PNPLA4: variants seen among roughly 807,000 people sequenced by gnomAD.
PNPLA4 encodes patatin like domain 4, phospholipase and triacylglycerol lipase.
PNPLA4 carries 15 observed loss-of-function variants against 18.3 expected under a neutral mutation model. That is an observed-to-expected ratio of 0.82 (90% CI 0.55 to 1.26). PNPLA4 has a LOEUF of 1.26. Among genes scored for constraint, PNPLA4 ranks in the 50% most tolerant of loss-of-function variants. The probability of loss-of-function intolerance (pLI) is 0.00; values close to 1 mark genes in which losing one functional copy is unlikely to be tolerated. For synonymous variants in PNPLA4, 88 were observed against 85.6 expected (o/e 1.03, Z -0.16); for missense variants, 229 against 196.8 (o/e 1.16, Z -0.98).
intron 6 of PNPLA4, among the ~76,000 whole-genome samples, chrX:7,901,466 A>G (rs1467285452): frequency 9.0e-6 from 1 of 110,806 alleles, no homozygotes; most frequent in Admixed American, 9.6e-5. Context: ...ACGCGCCTGC[A>G]GTCCCAGGTA....
At chrX:7,907,830 T>A (rs1385909474) in intron 5 of PNPLA4, among the ~76,000 whole-genome samples, 1 of 108,407 alleles carries the variant, frequency 9.2e-6, no homozygotes, top group African/African-American at 3.4e-5. Context: ...CAGGTGATCC[T>A]CCCACCTCGG....
At chrX:7,911,945 T>G (rs1313429712) in intron 5 of PNPLA4, 83 bp downstream of exon 5, 16 of 659,458 alleles carry the variant, frequency 2.4e-5, no homozygotes, top group Non-Finnish European at 3.9e-5. Flanking sequence ...TTGAAGCCAC[T>G]AGAATAATTA....
Position 7,902,157 on chromosome X carries a change from T to A in PNPLA4, c.478-16A>T. 8 of 1,189,838 alleles carry A rather than the reference T, an allele frequency of 6.7e-6. No individual in the cohort carries two copies. The highest frequency in any genetic ancestry group is 7.9e-6 in the Non-Finnish European group (7 of 884,287). On this transcript the variant is annotated splice_polypyrimidine_tract_variant and intron_variant, in intron 5 of 6. Coordinates refer to ENST00000381042, the MANE Select transcript of PNPLA4 (RefSeq NM_004650.3). ...CCACCCACTTCTGTGGAAAGAAACA[T>A]CTCACGTCAGCACACGTCAACAACA...
At chrX:7,920,452 C>T (rs760513395) in intron 4 of PNPLA4, among the ~76,000 whole-genome samples, 9 of 111,939 alleles carry the variant, frequency 8.0e-5, no homozygotes, top group South Asian at 7.4e-4. Context: ...GAGAGAATGA[C>T]GTAATAGGGA....
At chrX:7,907,908 G>A (rs866602070) in intron 5 of PNPLA4, among the ~76,000 whole-genome samples, 29 of 65,473 alleles carry the variant, frequency 4.4e-4, no homozygotes, top group Non-Finnish European at 7.7e-4. Context: ...TTTTTTTTTT[G>A]TAGAGACAGG....
In PNPLA4 at chrX:7,899,003, T is replaced by A. The variant is rs1245794322; in HGVS notation, c.*1683A>T. On this transcript the variant is annotated 3_prime_UTR_variant, in exon 7 of 7. Coordinates refer to ENST00000381042, the MANE Select transcript of PNPLA4 (RefSeq NM_004650.3). ...GGAGAAAAGTATTAAAACTGAAAAT[T>A]TACCTAGTGAATAAGTGGACATAAC... The A allele has an allele frequency of 9.0e-6, 1 of 111,723 alleles. No individual in the cohort carries two copies. Among genetic ancestry groups the A allele is most frequent in the Non-Finnish European group, 1.9e-5 (1 of 53,139 alleles). 9.2% of individuals were successfully genotyped at this position (111,723 alleles called of 1,213,427 possible).
chrX:7,914,436 A>G (rs946579178), intron 4 of PNPLA4, among the ~76,000 whole-genome samples: 2 of 111,870 alleles, frequency 1.8e-5, no homozygotes, highest in African/African-American at 6.5e-5. Flanking sequence ...GTTTACGGTT[A>G]AGGTAACTGC....
chrX:7,906,999 T>A (rs1923724574), intron 5 of PNPLA4, among the ~76,000 whole-genome samples: 1 of 111,677 alleles, frequency 9.0e-6, no homozygotes, highest in African/African-American at 3.3e-5. Flanking sequence ...AAAGAAACAA[T>A]GCAAAATCCT....
At chrX:7,914,833 T>C (rs1244496650) in intron 4 of PNPLA4, among the ~76,000 whole-genome samples, 1 of 111,905 alleles carries the variant, frequency 8.9e-6, no homozygotes, top group African/African-American at 3.3e-5. Context: ...AAAAATGCTA[T>C]CCAATTACTT....
chrX:7,925,365 G>A (rs771719893), intron 2 of PNPLA4, among the ~76,000 whole-genome samples: 7 of 112,398 alleles, frequency 6.2e-5, no homozygotes, highest in Admixed American at 3.8e-4. Context: ...TCACTGTCTG[G>A]ATAGCAGAAA....
At chrX:7,919,786 G>A (rs1022869230) in intron 4 of PNPLA4, among the ~76,000 whole-genome samples, 4 of 111,852 alleles carry the variant, frequency 3.6e-5, no homozygotes, top group Non-Finnish European at 7.5e-5. Flanking sequence ...ATATAGTTAG[G>A]GAAGAATGCT....
At chrX:7,916,496 T>A (rs188943862) in intron 4 of PNPLA4, among the ~76,000 whole-genome samples, 2 of 111,145 alleles carry the variant, frequency 1.8e-5, no homozygotes, top group Admixed American at 1.9e-4. Context: ...CACTTGAAGG[T>A]GACCATGCAC....
In PNPLA4 at chrX:7,921,842, C is replaced by T. The variant is rs1438033862; in HGVS notation, c.282G>A (p.Gly94=). Residue 94 remains glycine (G), a synonymous_variant, in exon 4 of 7, where the codon GGG becomes GGA. Coordinates refer to ENST00000381042, the MANE Select transcript of PNPLA4 (RefSeq NM_004650.3). ...CGCTGGGAGGAAGAATCGACTCCATCCCACTTCTAAAGAAGAAAAAGCAAT... is the reference window on the plus strand; with the variant it reads ...CGCTGGGAGGAAGAATCGACTCCATTCCACTTCTAAAGAAGAAAAAGCAAT... ...GYDFMARLRS[G]MESILPPSAH... The T allele has an allele frequency of 8.3e-7, 1 of 1,207,613 alleles. No homozygotes were observed. Among genetic ancestry groups the T allele is most frequent in the South Asian group, 1.8e-5 (1 of 56,661 alleles).
chrX:7,923,808 G>T (rs1303362688), intron 2 of PNPLA4, among the ~76,000 whole-genome samples: 1 of 111,173 alleles, frequency 9.0e-6, no homozygotes, highest in Admixed American at 9.5e-5. Flanking sequence ...GAGAAACCTG[G>T]GTCACATTGT....
rs1923461365 is a variant in PNPLA4, at chrX:7,899,673, GA to G, written c.*1012del. On this transcript the variant is annotated 3_prime_UTR_variant, in exon 7 of 7. Transcript: ENST00000381042. ...AGAGAGAGAGAGAGAGAGAGAGAGA[GA>G]GAGAGAATGAATGACAACCAGCTTG... The G allele has an allele frequency of 9.6e-6, 1 of 104,358 alleles. No homozygotes were observed. The highest frequency in any genetic ancestry group is 2.0e-5 in the Non-Finnish European group (1 of 50,502). The allele number at this position is 104,358 out of a possible 1,213,427, so 8.6% of individuals were successfully genotyped here. A position where few individuals can be genotyped will look rare whatever the true frequency, so the allele number is the denominator to read the frequency against.
intron 5 of PNPLA4, among the ~76,000 whole-genome samples, 188 bp from the exon 6 acceptor site, chrX:7,902,329 C>T: frequency 8.9e-6 from 1 of 111,892 alleles, no homozygotes; most frequent in Non-Finnish European, 1.9e-5. Flanking sequence ...AATATAAGAA[C>T]AACTCTGGAC....
chrX:7,925,622 T>C (rs1415516206), intron 2 of PNPLA4, among the ~76,000 whole-genome samples: 1 of 112,154 alleles, frequency 8.9e-6, no homozygotes, highest in Non-Finnish European at 1.9e-5. Flanking sequence ...ACAGGCCCCA[T>C]GCTCTTCTCA....
chrX:7,909,414 C>T (rs1286668189), intron 5 of PNPLA4, among the ~76,000 whole-genome samples: 1 of 110,714 alleles, frequency 9.0e-6, no homozygotes, highest in Non-Finnish European at 1.9e-5. Flanking sequence ...AAAAAATTAG[C>T]CGGGCTTGGT....
intron 4 of PNPLA4, 62 bp downstream of exon 4, chrX:7,921,651 T>C: frequency 9.9e-7 from 1 of 1,005,198 alleles, no homozygotes; most frequent in South Asian, 1.9e-5. Flanking sequence ...CTCATTACTT[T>C]ATATGAAGTA....
Sources: allele counts gnomAD v4.1 joint callset (sites outside exome capture counted in the v4.1 genomes callset), GRCh38; gene constraint gnomAD v4.1.1; transcripts MANE v1.5; gene names NCBI Gene and HGNC (gene_info 2026-07-23, HGNC 2026-07-21).